The following PTPRT variants were observed in gnomAD, a reference collection of about 807,000 sequenced individuals.
The protein encoded by PTPRT is protein tyrosine phosphatase receptor type T.
Under a neutral mutation model 176.8 loss-of-function variants are expected in PTPRT, and 56 were observed. That is an observed-to-expected ratio of 0.32 (90% confidence interval 0.26 to 0.40). The LOEUF is 0.40. PTPRT is among the 10% of genes least tolerant of loss of function. The pLI is 1.00. For missense variants in PTPRT, 1,540 were observed against 1,908.2 expected, an observed-to-expected ratio of 0.81 and a Z score of 3.60; for synonymous variants, 783 against 739.0, an observed-to-expected ratio of 1.06 and a Z score of -0.96.
At chr20:42,583,851 C>T (rs2073423090) in intron 7 of PTPRT, among the ~76,000 whole-genome samples, 1 of 152,120 alleles carries the variant, frequency 6.6e-6, no homozygotes, top group Non-Finnish European at 1.5e-5. Context: ...AAACTAGGCC[C>T]CTTTGACTCC....
rs569447867 is a variant in PTPRT at position 42,555,346 on chromosome 20, C to T, written c.1154-82784G>A. Reference sequence around the variant, plus strand: ...AGAAATACTGATAAAAATCCCTGCCCTCATGGAGCTGACAGTCTAGGGCGG... The same window carrying T: ...AGAAATACTGATAAAAATCCCTGCCTTCATGGAGCTGACAGTCTAGGGCGG... On this transcript the variant is annotated intron_variant, in intron 7 of 30. Transcript: ENST00000373187. Among the ~76,000 whole-genome samples, 22 of 152,280 alleles carry T rather than the reference C, an allele frequency of 1.4e-4. No individual in the cohort carries two copies. In the South Asian group the frequency reaches 3.7e-3, roughly 26 times the overall value.
chr20:42,579,518 C>T (rs1601311943), intron 7 of PTPRT, among the ~76,000 whole-genome samples: 1 of 152,170 alleles, frequency 6.6e-6, no homozygotes, highest in Admixed American at 6.5e-5. Context: ...AGTTTACAGT[C>T]CCACCAACAG....
chr20:42,852,729 C>T (rs1217777618), intron 2 of PTPRT, among the ~76,000 whole-genome samples: 2 of 152,178 alleles, frequency 1.3e-5, no homozygotes, highest in Admixed American at 6.5e-5. Context: ...TTCACAAACC[C>T]TCTCATCTGA....
chr20:42,968,316 A>C (rs751654745), intron 1 of PTPRT, among the ~76,000 whole-genome samples: 16 of 152,118 alleles, frequency 1.1e-4, no homozygotes, highest in Non-Finnish European at 1.9e-4. Flanking sequence ...TTAGCCTATG[A>C]TCTCCTTTAG....
chr20:42,113,577 C>T (rs1030609919), intron 22 of PTPRT, among the ~76,000 whole-genome samples: 5 of 152,218 alleles, frequency 3.3e-5, no homozygotes, highest in African/African-American at 7.2e-5. Context: ...GGCTTCCACG[C>T]CTTAAGGGGG....
At chr20:42,981,582 G>A (rs1983275386) in intron 1 of PTPRT, among the ~76,000 whole-genome samples, 1 of 152,232 alleles carries the variant, frequency 6.6e-6, no homozygotes, top group Non-Finnish European at 1.5e-5. Context: ...CCTGCTGGAT[G>A]GGAACCCACA....
chr20:42,153,921 G>C (rs1434061302), intron 17 of PTPRT, among the ~76,000 whole-genome samples: 1 of 152,202 alleles, frequency 6.6e-6, no homozygotes, highest in Non-Finnish European at 1.5e-5. Flanking sequence ...TTCCATGTGA[G>C]CTCTTTCCTG....
intron 8 of PTPRT, among the ~76,000 whole-genome samples, chr20:42,453,372 G>A (rs958638114): frequency 7.9e-5 from 12 of 151,436 alleles, no homozygotes; most frequent in Admixed American, 1.3e-4. Context: ...CTTACAAATT[G>A]CATTTCTAGG....
intron 7 of PTPRT, among the ~76,000 whole-genome samples, chr20:42,665,453 G>A (rs1333324821): frequency 6.6e-6 from 1 of 151,896 alleles, no homozygotes; most frequent in African/African-American, 2.4e-5. Context: ...ACAGGTGCTG[G>A]AGAGGATGTG....
intron 1 of PTPRT, among the ~76,000 whole-genome samples, chr20:43,085,413 C>T (rs552087368): frequency 6.6e-6 from 1 of 152,250 alleles, no homozygotes; most frequent in Non-Finnish European, 1.5e-5. Context: ...GGAATCTTGC[C>T]GAAGCACATT....
At position 42,073,090 on chromosome 20, in the gene PTPRT, T is replaced by C. The variant is rs1384784244; in HGVS notation, c.*7789A>G. Reference sequence around the variant, plus strand: ...ACCCAAACTGTACAAGTGCAGGCCATTGGGATTCATGGAGGAGGCTGCAAA... The same window carrying C: ...ACCCAAACTGTACAAGTGCAGGCCACTGGGATTCATGGAGGAGGCTGCAAA... On this transcript the variant is annotated 3_prime_UTR_variant, in exon 31 of 31. Transcript: ENST00000373187. 4.7e-6 allele frequency: 1 copy of C among 211,884 alleles called. No homozygotes were observed. Among genetic ancestry groups the C allele is most frequent in the Non-Finnish European group, 9.6e-6 (1 of 104,178 alleles). 13.1% of individuals were successfully genotyped at this position (211,884 alleles called of 1,614,324 possible).
At chr20:42,295,944 G>A (rs1018972601) in intron 12 of PTPRT, among the ~76,000 whole-genome samples, 1 of 152,144 alleles carries the variant, frequency 6.6e-6, no homozygotes, top group Non-Finnish European at 1.5e-5. Context: ...TTCTCCTTCC[G>A]CCATGACTGT....
chr20:42,335,114 G>GC (rs1164048202), intron 11 of PTPRT, among the ~76,000 whole-genome samples: 1 of 152,162 alleles, frequency 6.6e-6, no homozygotes, highest in Non-Finnish European at 1.5e-5. Flanking sequence ...GATTTTATTT[G>GC]CCCCACAGAT....
intron 5 of PTPRT, among the ~76,000 whole-genome samples, chr20:42,760,063 G>T (rs2076892522): frequency 6.6e-6 from 1 of 152,220 alleles, no homozygotes; most frequent in Non-Finnish European, 1.5e-5. Flanking sequence ...AGAGTGGATG[G>T]TACCTTGTGG....
intron 22 of PTPRT, 94 bp downstream of exon 22, chr20:42,115,105 C>A: frequency 1.1e-6 from 1 of 896,606 alleles, no homozygotes. Context: ...TGGGGCTGGA[C>A]GTAGAGCAGA....
intron 1 of PTPRT, among the ~76,000 whole-genome samples, chr20:43,072,274 A>G (rs1295375636): frequency 6.6e-6 from 1 of 152,234 alleles, no homozygotes; most frequent in Non-Finnish European, 1.5e-5. Context: ...GCAAAGATGT[A>G]ATATGCAAGA....
At chr20:42,847,950 C>T (rs900746870) in intron 2 of PTPRT, among the ~76,000 whole-genome samples, 2 of 152,222 alleles carry the variant, frequency 1.3e-5, no homozygotes, top group South Asian at 2.1e-4. Flanking sequence ...CAGTATACAC[C>T]GTACCCAATT....
intron 1 of PTPRT, among the ~76,000 whole-genome samples, chr20:43,097,291 C>A (rs1446738437): frequency 6.6e-6 from 1 of 152,016 alleles, no homozygotes; most frequent in Non-Finnish European, 1.5e-5. Context: ...GTCGCCTAAC[C>A]TCCCTAACCC....
intron 9 of PTPRT, among the ~76,000 whole-genome samples, chr20:42,370,924 G>A (rs2058578510): frequency 6.6e-6 from 1 of 152,184 alleles, no homozygotes. Context: ...TTTCACCAGA[G>A]GTTCTGGCCA....
Sources: gnomAD v4.1 joint callset for allele counts (sites outside exome capture counted in the v4.1 genomes callset) on GRCh38, gnomAD v4.1.1 for gene constraint, MANE v1.5 for transcripts, NCBI Gene and HGNC (gene_info 2026-07-23, HGNC 2026-07-21) for gene names.